SERHL2: variants seen among roughly 807,000 people sequenced by gnomAD.
The protein encoded by SERHL2 is serine hydrolase like 2.
SERHL2 carries 29 observed loss-of-function variants against 25.5 expected under a neutral mutation model. The ratio of observed to expected loss-of-function variants is 1.14; its 90% CI spans 0.85 to 1.55. SERHL2 has a LOEUF of 1.55. SERHL2 is among the 40% of genes most tolerant of loss of function. SERHL2 has a pLI of 0.00. For missense variants in SERHL2, 240 were observed against 252.3 expected (o/e 0.95, Z 0.33); for synonymous variants, 95 against 103.5 (o/e 0.92, Z 0.50).
chr22:42,559,229 T>TAAAAAAAAAAAAAAAAAAAA (rs1194822216), intron 7 of SERHL2, among the ~76,000 whole-genome samples: 4 of 69,310 alleles, frequency 5.8e-5, no homozygotes, highest in East Asian at 1.2e-3. Context: ...ACCCTGTATT[T>TAAAAAAAAAAAAAAAAAAAA]AAAAAAAAAA....
At chr22:42,560,114 C>A (rs1437599311) in intron 7 of SERHL2, 72 bp from the exon 8 acceptor site, 2 of 1,147,968 alleles carry the variant, frequency 1.7e-6, no homozygotes, top group Admixed American at 1.7e-5. Context: ...CCCCCCCGGC[C>A]CTCCTCTCCT....
In SERHL2 at chr22:42,572,479, A is replaced by C; in HGVS notation, c.775A>C (p.Lys259Gln). ...TGATTCAAGACAGAATTACTCTGAG[A>C]AGGAGTCCCTGTCGTTCATGATAGA... ...YFDSRQNYSE[K>Q]ESLSFMIDTM... Residue 259 changes from lysine to glutamine, a missense_variant, in exon 11 of 12, where the codon AAG becomes CAG. By Grantham distance (53) the Lys-to-Gln change is moderately conservative. Transcript: ENST00000327678. 6.2e-7 allele frequency: 1 copy of C among 1,612,138 alleles called. No individual in the cohort carries two copies. Among genetic ancestry groups the C allele is most frequent in the Non-Finnish European group, 8.5e-7 (1 of 1,178,432 alleles).
At chr22:42,571,491 T>C in intron 10 of SERHL2, 1 of 1,245,196 alleles carries the variant, frequency 8.0e-7, no homozygotes, top group Middle Eastern at 3.3e-4. Flanking sequence ...GTGAGCCCAG[T>C]CTCGGCTGAC....
At chr22:42,561,614 T>C (rs1304509415) in intron 8 of SERHL2, among the ~76,000 whole-genome samples, 2 of 151,636 alleles carry the variant, frequency 1.3e-5, no homozygotes, top group Non-Finnish European at 2.9e-5. Flanking sequence ...CAAGTGGGAA[T>C]TCAGTCTCGT....
At chr22:42,570,331 C>G (rs145565019) in intron 9 of SERHL2, among the ~76,000 whole-genome samples, 1 of 152,004 alleles carries the variant, frequency 6.6e-6, no homozygotes, top group Non-Finnish European at 1.5e-5. Context: ...GCAGGAGAAT[C>G]GCTTGAACCC....
Position 42,566,356 on chromosome 22 carries a change from C to T in SERHL2, c.648+18C>T, listed in dbSNP as rs368978978. On this transcript the variant is annotated intron_variant, in intron 9 of 11. Transcript: ENST00000327678. ...TCGCCTGGGTGAGTACCACTGCCTC[C>T]GGGTCCCCCGCCAAGGTTTGCCTGT... 5.6e-5 allele frequency: 90 copies of T among 1,610,166 alleles called. No homozygotes were observed. Among genetic ancestry groups the T allele is most frequent in the African/African-American group, 5.1e-4 (38 of 74,994 alleles).
chr22:42,560,099 ACCGTCCCCC>A lies in SERHL2; in HGVS notation c.534-83_534-75del. 3 of 977,388 alleles carry A rather than the reference ACCGTCCCCC, an allele frequency of 3.1e-6. No individual in the cohort carries two copies. In the Admixed American group the frequency reaches 5.2e-5, roughly 17 times the overall value. 60.5% of individuals were successfully genotyped at this position (977,388 alleles called of 1,614,324 possible). On this transcript the variant is annotated intron_variant, in intron 7 of 11. Transcript: ENST00000327678. ...AGTGCTGGGATTACAGGCATGAGCC[ACCGTCCCCC>A]CCGGCCCTCCTCTCCTTTTTATCTG...
rs376635435 is a variant in SERHL2 at position 42,574,271 on chromosome 22, C to T, written c.*216C>T. ...AGTCTGGGTTCCAGGGCTGCTTTCT[C>T]CTGGCTAATAATAAATATCCAGCCA... On this transcript the variant is annotated 3_prime_UTR_variant, in exon 12 of 12. Coordinates refer to ENST00000327678, the MANE Select transcript of SERHL2 (RefSeq NM_014509.5). 150 of 571,176 alleles carry T rather than the reference C, an allele frequency of 2.6e-4. 2 individuals carry two copies. The African/African-American group carries it at 2.7e-3, about 10-fold the overall frequency. The allele number at this position is 571,176 out of a possible 1,614,324, so 35.4% of individuals were successfully genotyped here. A position where few individuals can be genotyped will look rare whatever the true frequency, so the allele number is the denominator to read the frequency against.
Position 42,560,302 on chromosome 22 carries a change from G to T in SERHL2, c.613+37G>T. ...TACTGTCCAAGGCCATTTTATATTT[G>T]TCACTATTCTTACCGAGGATGTCAA... On this transcript the variant is annotated intron_variant, in intron 8 of 11. Coordinates refer to ENST00000327678, the MANE Select transcript of SERHL2 (RefSeq NM_014509.5). 3 of 1,472,976 alleles carry T rather than the reference G, an allele frequency of 2.0e-6. 1 individual carries two copies. Among genetic ancestry groups the T allele is most frequent in the Non-Finnish European group, 2.9e-6 (3 of 1,051,436 alleles). 91.2% of individuals were successfully genotyped at this position (1,472,976 alleles called of 1,614,324 possible).
intron 9 of SERHL2, among the ~76,000 whole-genome samples, chr22:42,566,901 T>C (rs891559087): frequency 2.0e-5 from 3 of 152,258 alleles, no homozygotes; most frequent in Non-Finnish European, 4.4e-5. Flanking sequence ...TGTAGGACCT[T>C]GGGCAAGGTG....
rs1313601432 is a variant in SERHL2 at position 42,567,546 on chromosome 22, C to T, written c.648+1208C>T. 2.0e-5 allele frequency among the ~76,000 whole-genome samples: 3 copies of T among 151,308 alleles called. No individual in the cohort carries two copies. In the East Asian group the frequency reaches 5.9e-4, roughly 30 times the overall value. On this transcript the variant is annotated intron_variant, in intron 9 of 11. Coordinates refer to ENST00000327678, the MANE Select transcript of SERHL2 (RefSeq NM_014509.5). ...GGGCGCGGTGGCAGGCGCCTGTAGT[C>T]CCAGCTACTCGGGAGGCTGAGGCAG... is the stretch of plus-strand genomic sequence containing the variant.
At chr22:42,568,464 C>T (rs1172027695) in intron 9 of SERHL2, among the ~76,000 whole-genome samples, 2 of 151,908 alleles carry the variant, frequency 1.3e-5, no homozygotes, top group African/African-American at 4.8e-5. Context: ...GTCAATCTGG[C>T]TTTTGGAGAT....
chr22:42,556,762 C>G (rs1922203621), intron 6 of SERHL2, 174 bp downstream of exon 6: 2 of 861,770 alleles, frequency 2.3e-6, no homozygotes, highest in Non-Finnish European at 3.2e-6. Context: ...GCTGCTTATA[C>G]CCCTAGCAGT....
At chr22:42,573,613 CTCATT>C in intron 11 of SERHL2, 1 of 296,948 alleles carries the variant, frequency 3.4e-6, no homozygotes, top group South Asian at 4.3e-5. Flanking sequence ...ACGCCCCCAT[CTCATT>C]ATCTTTTCTC....
intron 8 of SERHL2, 46 bp downstream of exon 8, chr22:42,560,311 C>T (rs773044581): frequency 1.4e-6 from 2 of 1,423,992 alleles, no homozygotes; most frequent in Non-Finnish European, 2.0e-6. Context: ...TGTCACTATT[C>T]TTACCGAGGA....
intron 8 of SERHL2, 136 bp downstream of exon 8, chr22:42,560,401 C>T (rs1922541445): frequency 3.0e-6 from 2 of 673,292 alleles, no homozygotes; most frequent in East Asian, 2.7e-5. Context: ...TCCTGCCTCA[C>T]CCTCATCCCA....
intron 1 of SERHL2, among the ~76,000 whole-genome samples, chr22:42,554,294 G>C (rs573789785): frequency 1.3e-5 from 2 of 152,158 alleles, no homozygotes; most frequent in African/African-American, 4.8e-5. Flanking sequence ...GGTGTCGGGG[G>C]TGCGCAAGTC....
chr22:42,571,223 C>T lies in SERHL2; in HGVS notation c.731+20C>T. ...GATCAAGTAAGTCTGGACCCATCCC[C>T]TTCAGCCACCCGCCAAGGAGACATG... On this transcript the variant is annotated intron_variant, in intron 10 of 11. Transcript: ENST00000327678. 2 of 1,607,498 alleles carry T rather than the reference C, an allele frequency of 1.2e-6. No homozygotes were observed. The highest frequency in any genetic ancestry group is 2.4e-5 in the East Asian group (1 of 42,408).
intron 9 of SERHL2, among the ~76,000 whole-genome samples, chr22:42,570,795 C>G (rs1924062799): frequency 6.6e-6 from 1 of 152,086 alleles, no homozygotes; most frequent in African/African-American, 2.4e-5. Context: ...GTCCTAAAAT[C>G]CAGGCCCAGA....
Sources: gnomAD v4.1 joint callset for allele counts (sites outside exome capture counted in the v4.1 genomes callset) on GRCh38, gnomAD v4.1.1 for gene constraint, MANE v1.5 for transcripts, NCBI Gene and HGNC (gene_info 2026-07-23, HGNC 2026-07-21) for gene names.